AS3MT: variants seen among roughly 807,000 people sequenced by gnomAD.
The protein encoded by AS3MT is S-adenosyl-L-methionine:arsenic(III) methyltransferase.
In AS3MT, 47 loss-of-function variants were observed where a neutral mutation model predicts 45.3. The ratio of observed to expected loss-of-function variants is 1.04; its 90% CI spans 0.82 to 1.32. AS3MT has a LOEUF of 1.32. Among genes scored for constraint, AS3MT ranks in the 40% most tolerant of loss-of-function variants. The probability of loss-of-function intolerance (pLI) is 0.00; values close to 1 mark genes in which losing one functional copy is unlikely to be tolerated. For synonymous variants in AS3MT, 141 were observed against 152.8 expected (o/e 0.92, Z 0.57); for missense variants, 396 against 451.1 (o/e 0.88, Z 1.11).
At chr10:102,896,468 A>C (rs758964570) in intron 10 of AS3MT, among the ~76,000 whole-genome samples, 14 of 151,928 alleles carry the variant, frequency 9.2e-5, no homozygotes, top group Admixed American at 7.2e-4. Context: ...TATTACCAGC[A>C]TGAATCTAAC....
intron 9 of AS3MT, among the ~76,000 whole-genome samples, chr10:102,879,633 G>T (rs987099791): frequency 6.6e-6 from 1 of 151,758 alleles, no homozygotes; most frequent in African/African-American, 2.4e-5. Flanking sequence ...GCCGGGCGTG[G>T]TGGTGGGTGC....
chr10:102,882,886 C>T (rs1020606257), intron 9 of AS3MT, among the ~76,000 whole-genome samples: 5 of 151,924 alleles, frequency 3.3e-5, no homozygotes, highest in Admixed American at 6.6e-5. Context: ...CCACTGTGCC[C>T]GGCTGCATCT....
At chr10:102,870,480 G>A (rs900017482) in intron 3 of AS3MT, among the ~76,000 whole-genome samples, 8 of 152,192 alleles carry the variant, frequency 5.3e-5, no homozygotes, top group African/African-American at 1.7e-4. Context: ...TGTAGTGTGC[G>A]ATCCGGGATG....
chr10:102,873,044 A>G, intron 4 of AS3MT, 53 bp from the exon 5 acceptor site: 1 of 1,452,734 alleles, frequency 6.9e-7, no homozygotes, highest in East Asian at 2.4e-5. Context: ...TTTTAGGAAA[A>G]AGTTGTGTAT....
At position 102,879,157 on chromosome 10, in the gene AS3MT, T is replaced by C. The variant is rs191913290; in HGVS notation, c.885+166T>C. On this transcript the variant is annotated intron_variant, in intron 9 of 10. Transcript: ENST00000369880. ...TCAAGTGGAGTAAAAAAGCATTTTT[T>C]CCCCAATACTTATTTATTTATTGAC... 1.6e-4 allele frequency among the ~76,000 whole-genome samples: 25 copies of C among 152,164 alleles called. No individual in the cohort carries two copies. The East Asian group carries it at 4.1e-3, about 25-fold the overall frequency.
intron 10 of AS3MT, among the ~76,000 whole-genome samples, chr10:102,896,355 A>G (rs544659852): frequency 6.6e-6 from 1 of 151,454 alleles, no homozygotes; most frequent in Admixed American, 6.6e-5. Flanking sequence ...AAAAAAGCAC[A>G]AAGCTTTTTG....
chr10:102,872,407 T>TA, intron 3 of AS3MT, 41 bp from the exon 4 acceptor site: 1 of 1,608,716 alleles, frequency 6.2e-7, no homozygotes, highest in Non-Finnish European at 8.5e-7. Flanking sequence ...TTTCATGTCT[T>TA]ACAGTCTCCA....
In AS3MT at chr10:102,900,750, GT is replaced by G; in HGVS notation, c.*56del. Reference sequence around the variant, plus strand: ...AGTAGTGGGCAAGAGTGATCTGCATGTTTTTTAACCTGCTTTTCCCCATAGC... The same window carrying G: ...AGTAGTGGGCAAGAGTGATCTGCATGTTTTTAACCTGCTTTTCCCCATAGC... On this transcript the variant is annotated 3_prime_UTR_variant, in exon 11 of 11. Transcript: ENST00000369880. The G allele has an allele frequency of 7.0e-7, 1 of 1,422,272 alleles. No homozygotes were observed. 88.1% of individuals were successfully genotyped at this position (1,422,272 alleles called of 1,614,324 possible).
rs1844637376 is a variant in AS3MT at position 102,869,559 on chromosome 10, T to C, written c.-34T>C. The C allele has an allele frequency of 1.3e-6, 2 of 1,526,172 alleles. No homozygotes were observed. The highest frequency in any genetic ancestry group is 4.8e-5 in the East Asian group (2 of 41,790). 94.5% of individuals were successfully genotyped at this position (1,526,172 alleles called of 1,614,324 possible). A position where few individuals can be genotyped will look rare whatever the true frequency, so the allele number is the denominator to read the frequency against. On this transcript the variant is annotated 5_prime_UTR_variant, in exon 1 of 11. Transcript: ENST00000369880. ...CCTGAGTCGCAGGCCGAGGAGACAG[T>C]GAGTGCGCGCCCTGAGTCGCAGGCC...
chr10:102,869,994 T>G, intron 2 of AS3MT, 90 bp from the exon 3 acceptor site: 1 of 1,567,482 alleles, frequency 6.4e-7, no homozygotes, highest in Non-Finnish European at 8.7e-7. Context: ...GTCGGCCAAG[T>G]GGAGGTGGAG....
intron 10 of AS3MT, among the ~76,000 whole-genome samples, chr10:102,895,423 A>G (rs1845148611): frequency 6.6e-6 from 1 of 151,732 alleles, no homozygotes; most frequent in Non-Finnish European, 1.5e-5. Context: ...CTGGTCTCGA[A>G]CTCCTGACAT....
At chr10:102,872,127 C>T (rs1266678394) in intron 3 of AS3MT, among the ~76,000 whole-genome samples, 2 of 152,128 alleles carry the variant, frequency 1.3e-5, no homozygotes, top group South Asian at 2.1e-4. Context: ...TCAAGCGATC[C>T]GCCTGCCTTG....
chr10:102,882,996 T>A (rs116392764), intron 9 of AS3MT, among the ~76,000 whole-genome samples: 158 of 152,280 alleles, frequency 1.0e-3, no homozygotes, highest in African/African-American at 3.5e-3. Flanking sequence ...ATACACAGAA[T>A]CAGAGTGGTA....
chr10:102,889,646 T>G (rs1845030462), intron 9 of AS3MT, among the ~76,000 whole-genome samples: 1 of 138,512 alleles, frequency 7.2e-6, no homozygotes, highest in Non-Finnish European at 1.6e-5. Context: ...CTTCCTTCCT[T>G]TCTTCCTTCC....
At chr10:102,872,207 T>C (rs1161779409) in intron 3 of AS3MT, among the ~76,000 whole-genome samples, 2 of 152,172 alleles carry the variant, frequency 1.3e-5, no homozygotes, top group East Asian at 3.8e-4. Context: ...TTTAGATGGC[T>C]TATGAAGTCT....
chr10:102,894,175 C>T (rs1845122945), intron 10 of AS3MT, among the ~76,000 whole-genome samples: 1 of 151,986 alleles, frequency 6.6e-6, no homozygotes, highest in Non-Finnish European at 1.5e-5. Context: ...CCTGTAATCC[C>T]AGCACTTTGG....
rs770395949 is a variant in AS3MT, at chr10:102,874,620, G to GAT, written c.489_490dup (p.Lys164IlefsTer13). The GAT allele has an allele frequency of 8.8e-5, 142 of 1,609,738 alleles. No homozygotes were observed. Among genetic ancestry groups the GAT allele is most frequent in the Non-Finnish European group, 1.1e-4 (135 of 1,177,562 alleles). On this transcript the variant is annotated frameshift_variant, in exon 6 of 11. Coordinates refer to ENST00000369880, the MANE Select transcript of AS3MT (RefSeq NM_020682.4). LOFTEE classifies it high-confidence loss of function. ...AAACTGTGTTATTAACCTTGTGCCTGATAAACAACAAGTGCTTCAGGAGGC... is the reference window on the plus strand; with the variant it reads ...AAACTGTGTTATTAACCTTGTGCCTGATATAAACAACAAGTGCTTCAGGAGGC...
At chr10:102,889,909 C>T (rs1845040413) in intron 9 of AS3MT, among the ~76,000 whole-genome samples, 1 of 152,034 alleles carries the variant, frequency 6.6e-6, no homozygotes, top group Non-Finnish European at 1.5e-5. Flanking sequence ...AACTCCTGAC[C>T]TCATGATCCA....
At chr10:102,888,482 C>A (rs562266807) in intron 9 of AS3MT, among the ~76,000 whole-genome samples, 1 of 151,708 alleles carries the variant, frequency 6.6e-6, no homozygotes, top group Non-Finnish European at 1.5e-5. Context: ...AGTGCAATGG[C>A]GCAATCTCGG....
Sources: allele counts gnomAD v4.1 joint callset (sites outside exome capture counted in the v4.1 genomes callset), GRCh38; gene constraint gnomAD v4.1.1; transcripts MANE v1.5; gene names NCBI Gene and HGNC (gene_info 2026-07-23, HGNC 2026-07-21).